ZGRF1: variants seen among roughly 807,000 people sequenced by gnomAD.
The protein encoded by ZGRF1 is 5'-3' DNA helicase ZGRF1.
In ZGRF1, 196 loss-of-function variants were observed where a neutral mutation model predicts 203.5. The ratio of observed to expected loss-of-function variants is 0.96; its 90% CI spans 0.86 to 1.08. The LOEUF (loss-of-function observed/expected upper bound fraction) is 1.08. ZGRF1 is among the 50% of genes least tolerant of loss of function. The pLI, the probability that ZGRF1 is intolerant of heterozygous loss-of-function variation, is 0.00. For missense variants in ZGRF1, 2,326 were observed against 2,416.3 expected, an observed-to-expected ratio of 0.96 and a Z score of 0.78; for synonymous variants, 809 against 841.3, an observed-to-expected ratio of 0.96 and a Z score of 0.66.
At chr4:112,588,429 T>C (rs904045610) in intron 11 of ZGRF1, among the ~76,000 whole-genome samples, 2 of 152,172 alleles carry the variant, frequency 1.3e-5, no homozygotes, top group African/African-American at 4.8e-5. Context: ...ACTTCCTTTA[T>C]ATATTTTTAC....
chr4:112,609,288 T>A, intron 8 of ZGRF1, 91 bp downstream of exon 8: 1 of 485,102 alleles, frequency 2.1e-6, no homozygotes, highest in Non-Finnish European at 3.7e-6. Context: ...CTCCTGACCT[T>A]GTGATCCACC....
chr4:112,587,987 T>G, intron 11 of ZGRF1, 58 bp from the exon 12 acceptor site: 1 of 1,334,836 alleles, frequency 7.5e-7, no homozygotes, highest in Non-Finnish European at 9.9e-7. Flanking sequence ...TCACCTAGGC[T>G]CTAGAAAACA....
chr4:112,622,319 G>A (rs1254848570), intron 4 of ZGRF1, among the ~76,000 whole-genome samples: 2 of 151,484 alleles, frequency 1.3e-5, no homozygotes, highest in Non-Finnish European at 2.9e-5. Context: ...AGGAGTTCAA[G>A]ACCAGCCTGG....
intron 1 of ZGRF1, among the ~76,000 whole-genome samples, chr4:112,634,522 G>A (rs1370583104): frequency 7.2e-5 from 11 of 151,796 alleles, no homozygotes; most frequent in Admixed American, 2.6e-4. Context: ...GTGGTGGTGC[G>A]TGCCTATAAT....
At chr4:112,626,655 T>A (rs935499410) in intron 3 of ZGRF1, among the ~76,000 whole-genome samples, 1 of 152,196 alleles carries the variant, frequency 6.6e-6, no homozygotes, top group African/African-American at 2.4e-5. Context: ...GTTGAACAAA[T>A]GAATCCACTC....
chr4:112,618,273 G>A lies in ZGRF1; in HGVS notation c.1769C>T (p.Pro590Leu), dbSNP rs1292138029. Residue 590 changes from proline (P) to leucine (L), a missense_variant, in exon 6 of 28, where the codon CCA (proline) becomes CTA (leucine). Coordinates refer to ENST00000505019, the MANE Select transcript of ZGRF1 (RefSeq NM_018392.5). ...NCEEIEGEHL[P>L]FLTSVSDKPT... ...TTTGTCACTAACAGATGTTAAGAAT[G>A]GCAAATGTTCACCCTCAATCTCTTC... The A allele has an allele frequency of 2.0e-5, 32 of 1,613,698 alleles. No homozygotes were observed. Among genetic ancestry groups the A allele is most frequent in the Non-Finnish European group, 2.6e-5 (31 of 1,179,848 alleles).
intron 10 of ZGRF1, among the ~76,000 whole-genome samples, chr4:112,595,283 G>A (rs1009535147): frequency 6.6e-6 from 1 of 152,148 alleles, no homozygotes; most frequent in African/African-American, 2.4e-5. Flanking sequence ...GAATTGGTCT[G>A]TGCATTGCTA....
chr4:112,564,988 A>G, intron 16 of ZGRF1: 3 of 888,000 alleles, frequency 3.4e-6, no homozygotes, highest in Non-Finnish European at 5.8e-6. Flanking sequence ...TCTCTGTACC[A>G]TGGCTCGTAC....
chr4:112,539,682 T>TTCC lies in ZGRF1; in HGVS notation c.6177_6179dup (p.Glu2060dup). ...ACTGGTTTGCATGTTGCAATCCATC[T>TTCC]TCCCTTCCTTAAAAAAACATACGAC... On this transcript the variant is annotated inframe_insertion, in exon 28 of 28. Transcript: ENST00000505019. The TTCC allele has an allele frequency of 6.3e-7, 1 of 1,592,972 alleles. No individual in the cohort carries two copies. Among genetic ancestry groups the TTCC allele is most frequent in the Non-Finnish European group, 8.5e-7 (1 of 1,172,510 alleles).
At position 112,619,137 on chromosome 4, in the gene ZGRF1, C is replaced by T. The variant is rs2046982684; in HGVS notation, c.905G>A (p.Cys302Tyr). 6.2e-7 allele frequency: 1 copy of T among 1,613,738 alleles called. No homozygotes were observed. The highest frequency in any genetic ancestry group is 8.5e-7 in the Non-Finnish European group (1 of 1,179,970). The change falls in exon 6 of 28, where the codon TGT becomes TAT. Residue 302 changes from cysteine (C) to tyrosine (Y), a missense_variant. Cys to Tyr is a radical substitution (Grantham distance 194). Coordinates refer to ENST00000505019, the MANE Select transcript of ZGRF1 (RefSeq NM_018392.5). Reference sequence around the variant, plus strand: ...ATTTTCTGTGCTCTTCATCTCAGCACACTCTTCCTGTTGAATTAGGTACTT... The same window carrying T: ...ATTTTCTGTGCTCTTCATCTCAGCATACTCTTCCTGTTGAATTAGGTACTT... ...KPKYLIQQEE[C>Y]AEMKSTENLY... is the part of the protein sequence containing the mutation.
chr4:112,619,477 C>T lies in ZGRF1; in HGVS notation c.565G>A (p.Ala189Thr). The stretch of plus-strand genomic sequence containing the variant: ...GAAAAAACCGAAGAAAAATCCATGG[C>T]ATTTCTCTCCCTGTTCTTGTAAGTC... ...IVTYKNRERN[A>T]MDFSSVFSPS... The change falls in exon 6 of 28, where the codon GCC (alanine) becomes ACC (threonine). Residue 189 changes from alanine to threonine, a missense_variant. Ala to Thr is a moderately conservative substitution (Grantham distance 58). Transcript: ENST00000505019. 2 of 1,612,276 alleles carry T rather than the reference C, an allele frequency of 1.2e-6. No homozygotes were observed. Among genetic ancestry groups the T allele is most frequent in the Non-Finnish European group, 1.7e-6 (2 of 1,178,924 alleles).
At position 112,607,379 on chromosome 4, in the gene ZGRF1, CT is replaced by C. The variant is rs1449989588; in HGVS notation, c.2719-1289del. Among the ~76,000 whole-genome samples the C allele has an allele frequency of 2.6e-5, 4 of 152,210 alleles. No individual in the cohort carries two copies. The East Asian group carries it at 7.7e-4, about 29-fold the overall frequency. ...AAACTCCTGGCCTCAAATGATACCC[CT>C]GTCTTGGCTTCCCAAAGTGTTGGGA... On this transcript the variant is annotated intron_variant, in intron 8 of 27. Coordinates refer to ENST00000505019, the MANE Select transcript of ZGRF1 (RefSeq NM_018392.5).
chr4:112,550,505 G>A (rs1245809957), intron 22 of ZGRF1, among the ~76,000 whole-genome samples: 1 of 152,062 alleles, frequency 6.6e-6, no homozygotes, highest in African/African-American at 2.4e-5. Context: ...TATTATTGAA[G>A]AAAGAAAAAA....
chr4:112,601,229 G>A (rs748403002), intron 10 of ZGRF1, among the ~76,000 whole-genome samples: 5 of 151,962 alleles, frequency 3.3e-5, no homozygotes, highest in South Asian at 2.1e-4. Context: ...GCAACCTGGT[G>A]AAACAACATC....
At position 112,562,371 on chromosome 4, in the gene ZGRF1, G is replaced by C; in HGVS notation, c.4697C>G (p.Thr1566Arg). Residue 1566 changes from threonine to arginine, a missense_variant and splice_region_variant, in exon 18 of 28, where the codon ACG becomes AGG. Coordinates refer to ENST00000505019, the MANE Select transcript of ZGRF1 (RefSeq NM_018392.5). ...GACTCAAAGGTAAAAAATGACTTAC[G>C]TTGTTAACAGGTACTGTGTTAGAGG... is the stretch of plus-strand genomic sequence containing the variant. ...TLPLTQYLLTTSSPTIVSNKR... is the reference protein window; with the variant it reads ...TLPLTQYLLTRSSPTIVSNKR... The C allele has an allele frequency of 6.4e-7, 1 of 1,554,254 alleles. No homozygotes were observed.
intron 24 of ZGRF1, 30 bp downstream of exon 24, chr4:112,547,255 A>T (rs779454311): frequency 6.3e-7 from 1 of 1,591,888 alleles, no homozygotes; most frequent in East Asian, 2.2e-5. Context: ...TCAATAAATG[A>T]TAATTCCGTA....
At chr4:112,541,315 T>C (rs528731418) in intron 24 of ZGRF1, 47 bp from the exon 25 acceptor site, 2 of 1,076,940 alleles carry the variant, frequency 1.9e-6, no homozygotes, top group East Asian at 2.6e-5. Context: ...TTTTTGTTCT[T>C]CTAGGGAAAG....
chr4:112,613,920 TTTCA>T (rs557865054), intron 6 of ZGRF1, among the ~76,000 whole-genome samples: 215 of 152,346 alleles, frequency 1.4e-3, no homozygotes, highest in Non-Finnish European at 2.0e-3. Context: ...CTATTTATGA[TTTCA>T]TTGTTTTCCT....
chr4:112,604,476 G>A (rs1283011920), intron 9 of ZGRF1, among the ~76,000 whole-genome samples: 1 of 152,088 alleles, frequency 6.6e-6, no homozygotes, highest in African/African-American at 2.4e-5. Flanking sequence ...AGCCCCTTGT[G>A]AGCAGAGATG....
Sources: gnomAD v4.1 joint callset for allele counts (sites outside exome capture counted in the v4.1 genomes callset) on GRCh38, gnomAD v4.1.1 for gene constraint, MANE v1.5 for transcripts, NCBI Gene and HGNC (gene_info 2026-07-23, HGNC 2026-07-21) for gene names.